Variants in ADAMTSL1 observed in about 807,000 individuals in gnomAD.
ADAMTSL1 encodes ADAMTS-like protein 1.
In ADAMTSL1, 126 loss-of-function variants were observed where a neutral mutation model predicts 201.8. The ratio of observed to expected loss-of-function variants is 0.62; its 90% CI spans 0.54 to 0.72. The LOEUF is 0.72. Among genes scored for constraint, ADAMTSL1 ranks in the 30% least tolerant of loss-of-function variants. The pLI is 0.00. For synonymous variants in ADAMTSL1, 1,121 were observed against 903.4 expected, an observed-to-expected ratio of 1.24 and a Z score of -4.32; for missense variants, 2,679 against 2,277.8, an observed-to-expected ratio of 1.18 and a Z score of -3.59.
intron 1 of ADAMTSL1, among the ~76,000 whole-genome samples, chr9:17,968,819 A>G (rs954339424): frequency 5.3e-5 from 8 of 152,096 alleles, no homozygotes; most frequent in African/African-American, 1.9e-4. Flanking sequence ...GAAATCCTTC[A>G]CTGAGGTTTT....
chr9:18,496,947 G>C (rs1321269943), intron 1 of ADAMTSL1, among the ~76,000 whole-genome samples: 2 of 152,198 alleles, frequency 1.3e-5, no homozygotes, highest in African/African-American at 4.8e-5. Flanking sequence ...TTCACAAAAA[G>C]AGCAGAGAGA....
intron 2 of ADAMTSL1, among the ~76,000 whole-genome samples, chr9:18,467,756 AT>A: frequency 2.0e-5 from 3 of 152,334 alleles, no homozygotes; most frequent in Admixed American, 2.0e-4. Flanking sequence ...GTTGGGTAAT[AT>A]CAAGTATTTC....
rs10963419 is a variant in ADAMTSL1 at position 18,055,562 on chromosome 9, A to G, written c.88-108300A>G. On this transcript the variant is annotated intron_variant, in intron 1 of 29. Transcript: ENST00000680146. ...TAATATATGTACATAGACCAAAGTGATGTTTGCTTTTCTATGGTTCCCTTC... is the reference window on the plus strand; with the variant it reads ...TAATATATGTACATAGACCAAAGTGGTGTTTGCTTTTCTATGGTTCCCTTC... Among the ~76,000 whole-genome samples the G allele has an allele frequency of 7.9e-5, 12 of 152,380 alleles. No individual in the cohort carries two copies. The East Asian group carries it at 2.3e-3, about 29-fold the overall frequency.
At position 18,265,080 on chromosome 9, in the gene ADAMTSL1, T is replaced by A. The variant is rs190315986; in HGVS notation, c.207+101099T>A. Among the ~76,000 whole-genome samples the A allele has an allele frequency of 7.2e-5, 11 of 152,298 alleles. No individual in the cohort carries two copies. The East Asian group carries it at 2.1e-3, about 29-fold the overall frequency. On this transcript the variant is annotated intron_variant, in intron 2 of 29. Transcript: ENST00000680146. ...GTTAGTCATAGCCACAGGAATAGTATTTTCTAATAATGTTTTAGTAAAAGT... is the reference window on the plus strand; with the variant it reads ...GTTAGTCATAGCCACAGGAATAGTAATTTCTAATAATGTTTTAGTAAAAGT...
In ADAMTSL1 at chr9:18,910,284, G is replaced by C. The variant is rs2131640296; in HGVS notation, c.*1736G>C. Reference sequence around the variant, plus strand: ...TGTAAAGTCTGTTTAAAATAAAAAAGAATGTTTTCTATGTCTGTATATCTT... The same window carrying C: ...TGTAAAGTCTGTTTAAAATAAAAAACAATGTTTTCTATGTCTGTATATCTT... On this transcript the variant is annotated 3_prime_UTR_variant, in exon 29 of 29. Transcript: ENST00000380548. 6.6e-6 allele frequency: 1 copy of C among 152,194 alleles called. No homozygotes were observed. Among genetic ancestry groups the C allele is most frequent in the African/African-American group, 2.4e-5 (1 of 41,518 alleles). 9.4% of individuals were successfully genotyped at this position (152,194 alleles called of 1,614,324 possible).
intron 14 of ADAMTSL1, among the ~76,000 whole-genome samples, chr9:18,710,660 A>AGTTTT (rs1379384216): frequency 1.7e-5 from 1 of 58,166 alleles, no homozygotes. Context: ...GAAGGGCCTA[A>AGTTTT]GTTTTGTTTT....
intron 11 of ADAMTSL1, 39 bp downstream of exon 11, chr9:18,680,555 G>A (rs1356753634): frequency 5.0e-6 from 8 of 1,603,648 alleles, no homozygotes; most frequent in Non-Finnish European, 5.1e-6. Flanking sequence ...AGGAGAGTAA[G>A]TCCACTCTTC....
chr9:18,356,571 A>C (rs1586957659), intron 2 of ADAMTSL1, among the ~76,000 whole-genome samples: 3 of 147,384 alleles, frequency 2.0e-5, no homozygotes, highest in East Asian at 4.0e-4. Context: ...CTGCAGCCTA[A>C]AAAATTTTAT....
chr9:18,438,308 A>C (rs1457298667), intron 2 of ADAMTSL1, among the ~76,000 whole-genome samples: 1 of 152,042 alleles, frequency 6.6e-6, no homozygotes, highest in Non-Finnish European at 1.5e-5. Flanking sequence ...TTGAAAAATA[A>C]CTTCTGGTGA....
intron 2 of ADAMTSL1, among the ~76,000 whole-genome samples, chr9:18,444,724 C>G (rs1391278708): frequency 6.6e-6 from 1 of 152,012 alleles, no homozygotes; most frequent in East Asian, 1.9e-4. Context: ...GAGTTAAGGC[C>G]AAAGGGATGG....
At chr9:18,115,711 A>G (rs182110911) in intron 1 of ADAMTSL1, among the ~76,000 whole-genome samples, 73 of 152,258 alleles carry the variant, frequency 4.8e-4, no homozygotes, top group African/African-American at 1.7e-3. Flanking sequence ...GATGTGGCAT[A>G]GAGAGGTTGT....
At chr9:18,276,835 AC>A (rs1453139155) in intron 2 of ADAMTSL1, among the ~76,000 whole-genome samples, 7 of 151,946 alleles carry the variant, frequency 4.6e-5, no homozygotes, top group Non-Finnish European at 1.0e-4. Flanking sequence ...TGGAAGACCC[AC>A]CCCCAGGACC....
chr9:18,508,247 G>A (rs1451964424), intron 2 of ADAMTSL1, among the ~76,000 whole-genome samples: 2 of 151,936 alleles, frequency 1.3e-5, no homozygotes, highest in East Asian at 3.8e-4. Context: ...TGGAATCAGA[G>A]ATTCTCAAAT....
chr9:18,004,879 C>G lies in ADAMTSL1; in HGVS notation c.87+97957C>G, dbSNP rs184648018. 2.6e-5 allele frequency among the ~76,000 whole-genome samples: 4 copies of G among 152,146 alleles called. No individual in the cohort carries two copies. The East Asian group carries it at 7.8e-4, about 30-fold the overall frequency. ...TTAGGTGCCAAAAAGTGAAGACGTA[C>G]CAAATGTAACTGACTGTTTAAAAAT... is the stretch of plus-strand genomic sequence containing the variant. On this transcript the variant is annotated intron_variant, in intron 1 of 29. Coordinates refer to the ADAMTSL1 transcript ENST00000680146.
At chr9:18,225,698 G>A (rs189587512) in intron 2 of ADAMTSL1, among the ~76,000 whole-genome samples, 44 of 152,112 alleles carry the variant, frequency 2.9e-4, no homozygotes, top group African/African-American at 1.0e-3. Flanking sequence ...TTGTTCAGAA[G>A]TATTTTTAAT....
chr9:18,680,460 G>A lies in ADAMTSL1; in HGVS notation c.1285G>A (p.Ala429Thr), dbSNP rs778090838. 2.0e-5 allele frequency: 32 copies of A among 1,614,006 alleles called. No individual in the cohort carries two copies. Among genetic ancestry groups the A allele is most frequent in the South Asian group, 5.5e-5 (5 of 91,082 alleles). ...KCMYTPKMPI[A>T]QPCNIFDCPK... Reference sequence around the variant, plus strand: ...CATGTACACCCCTAAGATGCCCATCGCGCAGCCCTGCAACATTTTTGACTG... The same window carrying A: ...CATGTACACCCCTAAGATGCCCATCACGCAGCCCTGCAACATTTTTGACTG... The change falls in exon 11 of 29, where the codon GCG becomes ACG. Residue 429 changes from alanine (A) to threonine (T), a missense_variant. Physicochemically the swap from Ala to Thr is moderately conservative, Grantham distance 58. Coordinates refer to ENST00000380548, the MANE Select transcript of ADAMTSL1 (RefSeq NM_001040272.6).
chr9:18,682,015 T>A, intron 12 of ADAMTSL1, 56 bp downstream of exon 12: 7 of 1,557,444 alleles, frequency 4.5e-6, no homozygotes, highest in Non-Finnish European at 6.1e-6. Context: ...TAGTCAGGTG[T>A]GTTTTAAACT....
chr9:18,239,303 G>T (rs1270562023), intron 2 of ADAMTSL1, among the ~76,000 whole-genome samples: 1 of 152,210 alleles, frequency 6.6e-6, no homozygotes, highest in Non-Finnish European at 1.5e-5. Context: ...ACCCAAAACA[G>T]AACTTCTTTC....
intron 2 of ADAMTSL1, among the ~76,000 whole-genome samples, chr9:18,271,566 A>G (rs1832369297): frequency 6.6e-6 from 1 of 152,190 alleles, no homozygotes; most frequent in African/African-American, 2.4e-5. Flanking sequence ...TTCTTAATCC[A>G]GTCTAACATT....
Sources: gnomAD v4.1 joint callset for allele counts (sites outside exome capture counted in the v4.1 genomes callset) on GRCh38, gnomAD v4.1.1 for gene constraint, MANE v1.5 for transcripts, NCBI Gene and HGNC (gene_info 2026-07-23, HGNC 2026-07-21) for gene names.